ARMC8: variants seen among roughly 807,000 people sequenced by gnomAD.
ARMC8 encodes the protein armadillo repeat containing 8, also known as armadillo repeat-containing protein 8.
A neutral mutation model predicts 99.3 loss-of-function variants in ARMC8; 20 were observed. That is an observed-to-expected ratio of 0.20 (90% CI 0.14 to 0.29). The LOEUF (loss-of-function observed/expected upper bound fraction) is 0.29. Ranked by LOEUF, ARMC8 falls within the 10% of genes least tolerant of loss-of-function variation. ARMC8 has a pLI of 1.00. For missense variants in ARMC8, 569 were observed against 809.5 expected (o/e 0.70, Z 3.60); for synonymous variants, 263 against 278.3 (o/e 0.95, Z 0.55).
At position 138,267,737 on chromosome 3, in the gene ARMC8, T is replaced by C. The variant is rs545482528; in HGVS notation, c.1386+496T>C. On this transcript the variant is annotated intron_variant, in intron 15 of 21. Transcript: ENST00000469044. Reference sequence around the variant, plus strand: ...ATTTTATAAAATATTTGAGTATGTATTCTTTTTTTTAATAGGAAAAACTAA... The same window carrying C: ...ATTTTATAAAATATTTGAGTATGTACTCTTTTTTTTAATAGGAAAAACTAA... Among the ~76,000 whole-genome samples, 4 of 152,264 alleles carry C rather than the reference T, an allele frequency of 2.6e-5. No homozygotes were observed. In the South Asian group the frequency reaches 8.3e-4, roughly 32 times the overall value.
rs1230159864 is a variant in ARMC8, at chr3:138,187,573, A to G, written c.19A>G (p.Thr7Ala). The G allele has an allele frequency of 6.5e-7, 1 of 1,535,108 alleles. No homozygotes were observed. Among genetic ancestry groups the G allele is most frequent in the Non-Finnish European group, 8.7e-7 (1 of 1,146,516 alleles). MACLLE[T>A]PIRMSVLSEV... The stretch of plus-strand genomic sequence containing the variant: ...GCTCAAGATGGCGTGCTTGTTGGAG[A>G]CCCCAATCCGCATGAGCGTCCTTTC... The change falls in exon 1 of 22, where the codon ACC becomes GCC. Residue 7 changes from threonine (T) to alanine (A), a missense_variant. This residue lies in a region of ARMC8 where 342 missense variants were observed against 391.6 expected (regional missense o/e 0.87). Transcript: ENST00000469044.
Position 138,220,432 on chromosome 3 carries a change from GCCCTA to G in ARMC8, c.123-1489_123-1485del, listed in dbSNP as rs2045329646. Among the ~76,000 whole-genome samples the G allele has an allele frequency of 2.0e-5, 3 of 152,246 alleles. No homozygotes were observed. In the East Asian group the frequency reaches 5.8e-4, roughly 29 times the overall value. On this transcript the variant is annotated intron_variant, in intron 2 of 21. Coordinates refer to ENST00000469044, the MANE Select transcript of ARMC8 (RefSeq NM_001363941.2). Reference sequence around the variant, plus strand: ...GGGATAGGTCAGGCCTGGAAAAAAAGCCCTACCCTCAGGCACTGAGCTAATGGAAG... The same window carrying G: ...GGGATAGGTCAGGCCTGGAAAAAAAGCCCTCAGGCACTGAGCTAATGGAAG...
At chr3:138,230,705 A>G (rs2045986452) in intron 6 of ARMC8, among the ~76,000 whole-genome samples, 1 of 152,226 alleles carries the variant, frequency 6.6e-6, no homozygotes, top group African/African-American at 2.4e-5. Flanking sequence ...AGAGCACAGC[A>G]TCTACTAGTC....
intron 12 of ARMC8, among the ~76,000 whole-genome samples, chr3:138,261,187 G>A (rs960991576): frequency 1.4e-4 from 22 of 152,168 alleles, no homozygotes; most frequent in Non-Finnish European, 1.5e-5. Flanking sequence ...GACCCCCAAG[G>A]TAATAGTAAT....
intron 12 of ARMC8, chr3:138,245,424 T>C: frequency 1.4e-6 from 2 of 1,385,100 alleles, no homozygotes. Context: ...TTTTTTTTTG[T>C]GTCATTAATA....
At chr3:138,285,969 G>A (rs527888154) in intron 19 of ARMC8, among the ~76,000 whole-genome samples, 2 of 152,114 alleles carry the variant, frequency 1.3e-5, no homozygotes, top group Admixed American at 1.3e-4. Flanking sequence ...TTTTGAGACA[G>A]GGTCTCACTC....
rs1441633315 is a variant in ARMC8, at chr3:138,264,232, C to T, written c.1299+20C>T. ...ATGAAGGTAAGAAGAAAGGGTCAGC[C>T]AGTAACAGCTGTACTCACAGACCCT... On this transcript the variant is annotated intron_variant, in intron 14 of 21. Coordinates refer to ENST00000469044, the MANE Select transcript of ARMC8 (RefSeq NM_001363941.2). The T allele has an allele frequency of 3.1e-6, 5 of 1,602,000 alleles. No individual in the cohort carries two copies. The highest frequency in any genetic ancestry group is 4.3e-6 in the Non-Finnish European group (5 of 1,169,188).
chr3:138,229,105 C>T lies in ARMC8; in HGVS notation c.528+95C>T, dbSNP rs1416839902. On this transcript the variant is annotated intron_variant, in intron 6 of 21. Coordinates refer to ENST00000469044, the MANE Select transcript of ARMC8 (RefSeq NM_001363941.2). Reference sequence around the variant, plus strand: ...GTGTACCCTCCCAGGGGTAGTCATACATATATAAGTAGACCTGTGTGTGTG... The same window carrying T: ...GTGTACCCTCCCAGGGGTAGTCATATATATATAAGTAGACCTGTGTGTGTG... The T allele has an allele frequency of 2.1e-5, 10 of 469,414 alleles. No homozygotes were observed. The Middle Eastern group carries it at 2.6e-3, about 122-fold the overall frequency. The allele number at this position is 469,414 out of a possible 1,614,324, so 29.1% of individuals were successfully genotyped here.
chr3:138,274,407 CT>C, intron 17 of ARMC8, 41 bp from the exon 18 acceptor site: 1 of 1,351,280 alleles, frequency 7.4e-7, no homozygotes, highest in Non-Finnish European at 1.1e-6. Flanking sequence ...GTCCTGTGGT[CT>C]TTGTTTCTTT....
chr3:138,292,493 G>A (rs1468513846), intron 21 of ARMC8, among the ~76,000 whole-genome samples: 3 of 152,164 alleles, frequency 2.0e-5, no homozygotes. Context: ...GAAGTGGTTG[G>A]ATTCAGGATT....
chr3:138,294,203 A>G (rs146172026), intron 21 of ARMC8, among the ~76,000 whole-genome samples: 110 of 152,344 alleles, frequency 7.2e-4, no homozygotes, highest in African/African-American at 2.5e-3. Flanking sequence ...CCTGAAGAAT[A>G]TATCTCTCAG....
chr3:138,194,059 T>C (rs75637664), intron 1 of ARMC8, among the ~76,000 whole-genome samples: 1 of 151,954 alleles, frequency 6.6e-6, no homozygotes, highest in Admixed American at 6.6e-5. Flanking sequence ...TTTTTTTTTT[T>C]TGAGACGGCG....
rs545270297 is a variant in ARMC8 at position 138,221,041 on chromosome 3, A to G, written c.123-885A>G. The stretch of plus-strand genomic sequence containing the variant: ...AGTAGTACTGGGTTTATTTTGAGCT[A>G]TTTATTTTTTCTCTACATTTCCTTT... On this transcript the variant is annotated intron_variant, in intron 2 of 21. Coordinates refer to ENST00000469044, the MANE Select transcript of ARMC8 (RefSeq NM_001363941.2). Among the ~76,000 whole-genome samples, 9 of 152,034 alleles carry G rather than the reference A, an allele frequency of 5.9e-5. No individual in the cohort carries two copies. In the East Asian group the frequency reaches 1.4e-3, roughly 23 times the overall value.
In ARMC8 at chr3:138,193,623, T is replaced by C. The variant is rs546538640; in HGVS notation, c.45+6024T>C. On this transcript the variant is annotated intron_variant, in intron 1 of 21. Coordinates refer to ENST00000469044, the MANE Select transcript of ARMC8 (RefSeq NM_001363941.2). ...TTTGTAAGATAGGTATTTGCAAATA[T>C]TTTCTCCTAATCTGTAACTTGCCTT... 1.4e-3 allele frequency among the ~76,000 whole-genome samples: 215 copies of C among 152,318 alleles called. 1 individual carries two copies. Among genetic ancestry groups the C allele is most frequent in the African/African-American group, 5.0e-3 (209 of 41,580 alleles).
intron 2 of ARMC8, among the ~76,000 whole-genome samples, chr3:138,216,339 G>A (rs2045039213): frequency 1.3e-5 from 2 of 152,050 alleles, no homozygotes; most frequent in Admixed American, 1.3e-4. Context: ...TTTGCTGTAA[G>A]TTTTCCAACT....
chr3:138,209,979 G>A (rs184699163), intron 2 of ARMC8, 86 bp downstream of exon 2: 326 of 965,084 alleles, frequency 3.4e-4, no homozygotes, highest in Middle Eastern at 1.7e-3. Flanking sequence ...TGAAAATACA[G>A]GGTTATACCT....
intron 20 of ARMC8, among the ~76,000 whole-genome samples, chr3:138,289,997 G>C (rs1025036962): frequency 1.3e-5 from 2 of 152,176 alleles, no homozygotes; most frequent in Non-Finnish European, 2.9e-5. Flanking sequence ...CGTACCACTT[G>C]TGTACTGGGG....
chr3:138,226,285 C>T (rs866036049), intron 5 of ARMC8, among the ~76,000 whole-genome samples: 2 of 152,304 alleles, frequency 1.3e-5, no homozygotes, highest in South Asian at 2.1e-4. Flanking sequence ...TGAGCCACTG[C>T]GCCCAGCCTA....
chr3:138,211,195 A>G (rs1000621996), intron 2 of ARMC8, among the ~76,000 whole-genome samples: 1 of 152,242 alleles, frequency 6.6e-6, no homozygotes, highest in Non-Finnish European at 1.5e-5. Context: ...ACTCTTCCTT[A>G]GACAGATACT....
Sources: allele counts gnomAD v4.1 joint callset (sites outside exome capture counted in the v4.1 genomes callset), GRCh38; gene constraint gnomAD v4.1.1; regional missense constraint gnomAD v4.1.1; transcripts MANE v1.5; gene names NCBI Gene and HGNC (gene_info 2026-07-23, HGNC 2026-07-21).